PHACTR2: variants seen among roughly 807,000 people sequenced by gnomAD.
PHACTR2 encodes chromosome 6 open reading frame 56.
PHACTR2 carries 30 observed loss-of-function variants against 76.0 expected under a neutral mutation model. That is an observed-to-expected ratio of 0.39 (90% CI 0.30 to 0.54). The LOEUF is 0.54. PHACTR2 is among the 20% of genes least tolerant of loss of function. The pLI, the probability that PHACTR2 is intolerant of heterozygous loss-of-function variation, is 0.61. For synonymous variants in PHACTR2, 292 were observed against 292.5 expected (o/e 1.00, Z 0.02); for missense variants, 696 against 781.1 (o/e 0.89, Z 1.30).
In PHACTR2 at chr6:143,760,253, A is replaced by G. The variant is rs1779403145; in HGVS notation, c.455-148A>G. 1.5e-6 allele frequency: 1 copy of G among 679,690 alleles called. No homozygotes were observed. The highest frequency in any genetic ancestry group is 1.8e-5 in the African/African-American group (1 of 55,218). The allele number at this position is 679,690 out of a possible 1,614,324, so 42.1% of individuals were successfully genotyped here. A position where few individuals can be genotyped will look rare whatever the true frequency, so the allele number is the denominator to read the frequency against. On this transcript the variant is annotated intron_variant, in intron 4 of 12. Coordinates refer to ENST00000440869, the MANE Select transcript of PHACTR2 (RefSeq NM_001100164.2). This position sits in a 1 kb window ranked among gnomAD's most constrained non-coding sequence, Gnocchi z 6.4. ...GTCTTTCAGCCTTTGTTTTCACCCT[A>G]AACTGTGCTCTGTCTGGTGCAGAAC...
At chr6:143,594,046 A>G (rs1775722302) in intron 1 of PHACTR2, among the ~76,000 whole-genome samples, 1 of 152,220 alleles carries the variant, frequency 6.6e-6, no homozygotes, top group South Asian at 2.1e-4. Flanking sequence ...GAAATGTGAA[A>G]TGCTCCAAAA....
chr6:143,668,518 G>A (rs1348285091), intron 1 of PHACTR2, among the ~76,000 whole-genome samples: 3 of 152,108 alleles, frequency 2.0e-5, no homozygotes, highest in Non-Finnish European at 2.9e-5. Context: ...CTGTTTTTTG[G>A]TTGGTAGGCT....
intron 1 of PHACTR2, among the ~76,000 whole-genome samples, chr6:143,542,939 C>T (rs780697744): frequency 2.6e-5 from 4 of 152,176 alleles, no homozygotes; most frequent in Non-Finnish European, 4.4e-5. Context: ...AGTTTCCATT[C>T]GTCCATTCAT....
chr6:143,752,723 A>G (rs1174489995), intron 3 of PHACTR2, among the ~76,000 whole-genome samples: 2 of 152,142 alleles, frequency 1.3e-5, no homozygotes, highest in African/African-American at 2.4e-5. Flanking sequence ...ACAATTTGGG[A>G]AATGGTTTCT....
Position 143,598,793 on chromosome 6 carries a change from C to A in PHACTR2, c.217+61586C>A, listed in dbSNP as rs1297856924. Among the ~76,000 whole-genome samples the A allele has an allele frequency of 6.6e-6, 1 of 152,110 alleles. No homozygotes were observed. Among genetic ancestry groups the A allele is most frequent in the Non-Finnish European group, 1.5e-5 (1 of 68,026 alleles). The stretch of plus-strand genomic sequence containing the variant: ...TGGCTCCCAGGAACTTTCTATGACC[C>A]CCTTAGAGGAATCACTAGACCTCAT... On this transcript the variant is annotated intron_variant, in intron 1 of 11. Transcript: ENST00000367584. This position sits in a 1 kb window ranked among gnomAD's most constrained non-coding sequence, Gnocchi z 4.1.
chr6:143,803,720 T>A lies in PHACTR2; in HGVS notation c.1846-3337T>A, dbSNP rs1191107682. ...ATAGAAAGGCTGTGTTTTCTAGGAT[T>A]TGACATTTTCAGCAATAGAGAAATA... is the stretch of plus-strand genomic sequence containing the variant. On this transcript the variant is annotated intron_variant, in intron 11 of 12. Transcript: ENST00000440869. This position sits in a 1 kb window ranked among gnomAD's most constrained non-coding sequence, Gnocchi z 4.7. 1.2e-4 allele frequency among the ~76,000 whole-genome samples: 19 copies of A among 152,308 alleles called. 1 individual carries two copies. In the East Asian group the frequency reaches 3.7e-3, roughly 29 times the overall value.
intron 11 of PHACTR2, among the ~76,000 whole-genome samples, chr6:143,790,216 C>T (rs1216083357): frequency 6.6e-6 from 1 of 152,004 alleles, no homozygotes; most frequent in Non-Finnish European, 1.5e-5. Flanking sequence ...GGTCAATAAG[C>T]TTGGGTGCGT....
At chr6:143,813,054 G>C (rs545401792) in intron 12 of PHACTR2, among the ~76,000 whole-genome samples, 1 of 152,170 alleles carries the variant, frequency 6.6e-6, no homozygotes, top group South Asian at 2.1e-4. Flanking sequence ...GTGTTAACAT[G>C]TATCAGATTT....
At position 143,602,730 on chromosome 6, in the gene PHACTR2, G is replaced by A. The variant is rs1775825795; in HGVS notation, c.217+65523G>A. ...AGTGTGGATTCACCAAACCACCTTGGCCAAAAGTCCAAACTTGTCGGAAGA... is the reference window on the plus strand; with the variant it reads ...AGTGTGGATTCACCAAACCACCTTGACCAAAAGTCCAAACTTGTCGGAAGA... On this transcript the variant is annotated intron_variant, in intron 1 of 11. Coordinates refer to the PHACTR2 transcript ENST00000367584. The surrounding 1 kb of genome is among the most constrained non-coding windows in gnomAD (Gnocchi z 6.1). 6.6e-6 allele frequency among the ~76,000 whole-genome samples: 1 copy of A among 152,200 alleles called. No homozygotes were observed. The highest frequency in any genetic ancestry group is 1.5e-5 in the Non-Finnish European group (1 of 68,040).
chr6:143,815,240 G>A (rs1189404657), intron 12 of PHACTR2, among the ~76,000 whole-genome samples: 2 of 152,136 alleles, frequency 1.3e-5, no homozygotes, highest in Non-Finnish European at 2.9e-5. Context: ...AGCCCAGCCA[G>A]TGTGTGGTCT....
At chr6:143,808,844 T>C (rs2128484119) in intron 12 of PHACTR2, among the ~76,000 whole-genome samples, 1 of 152,340 alleles carries the variant, frequency 6.6e-6, no homozygotes, top group South Asian at 2.1e-4. Flanking sequence ...CATGTCCCTA[T>C]CAAGCCAGAC....
chr6:143,710,447 GT>G lies in PHACTR2; in HGVS notation c.47-1566del, dbSNP rs1399556047. ...GTGGCTCACGCCTGTAATCCCAGCAGTTTGGGAGGCTGAGGCGGGTGGATCA... is the reference window on the plus strand; with the variant it reads ...GTGGCTCACGCCTGTAATCCCAGCAGTTGGGAGGCTGAGGCGGGTGGATCA... On this transcript the variant is annotated intron_variant, in intron 1 of 12. Coordinates refer to ENST00000440869, the MANE Select transcript of PHACTR2 (RefSeq NM_001100164.2). The surrounding 1 kb of genome is among the most constrained non-coding windows in gnomAD (Gnocchi z 4.9). Among the ~76,000 whole-genome samples, 1 of 152,154 alleles carries G rather than the reference GT, an allele frequency of 6.6e-6. No homozygotes were observed. The highest frequency in any genetic ancestry group is 1.5e-5 in the Non-Finnish European group (1 of 68,026).
rs1015702538 is a variant in PHACTR2 at position 143,743,974 on chromosome 6, C to T, written c.215-5011C>T. On this transcript the variant is annotated intron_variant, in intron 2 of 12. Transcript: ENST00000440869. This position sits in a 1 kb window ranked among gnomAD's most constrained non-coding sequence, Gnocchi z 5.0. ...CGCAGAAAAAAGCCAGCGGCATATG[C>T]TCCAGCCTCTTTTCCTGAGTGCAGC... 6.6e-6 allele frequency among the ~76,000 whole-genome samples: 1 copy of T among 152,184 alleles called. No individual in the cohort carries two copies. The highest frequency in any genetic ancestry group is 2.1e-4 in the South Asian group (1 of 4,834).
In PHACTR2 at chr6:143,700,843, A is replaced by T. The variant is rs1327979300; in HGVS notation, c.47-11173A>T. 6.6e-6 allele frequency among the ~76,000 whole-genome samples: 1 copy of T among 152,224 alleles called. No homozygotes were observed. The highest frequency in any genetic ancestry group is 2.4e-5 in the African/African-American group (1 of 41,458). On this transcript the variant is annotated intron_variant, in intron 1 of 12. Transcript: ENST00000440869. This position sits in a 1 kb window ranked among gnomAD's most constrained non-coding sequence, Gnocchi z 4.1. The stretch of plus-strand genomic sequence containing the variant: ...CAGACTCCGGGAGTTGTTGTATATG[A>T]CTAACATCTACGGGGAACAAGATAG...
chr6:143,566,249 C>T (rs9376763), intron 1 of PHACTR2, among the ~76,000 whole-genome samples: 93,233 of 151,916 alleles, frequency 0.61, 28,950 homozygotes, highest in Middle Eastern at 0.72. Context: ...CAGGCATGAA[C>T]CACTGCATCT....
intron 1 of PHACTR2, among the ~76,000 whole-genome samples, chr6:143,582,081 C>T (rs768369707): frequency 8.5e-5 from 13 of 152,186 alleles, no homozygotes; most frequent in African/African-American, 2.4e-4. Context: ...CCATAGTCCA[C>T]ACCCTCACAT....
chr6:143,755,654 A>C lies in PHACTR2; in HGVS notation c.454+1742A>C, dbSNP rs1421546933. ...AGCCTGTTGCTTGGCTAGTAGGTAC[A>C]TGAGGAAGGAGCTGGGAGTGCTGGA... On this transcript the variant is annotated intron_variant, in intron 4 of 12. Transcript: ENST00000440869. This position sits in a 1 kb window ranked among gnomAD's most constrained non-coding sequence, Gnocchi z 5.2. Among the ~76,000 whole-genome samples the C allele has an allele frequency of 6.6e-6, 1 of 152,118 alleles. No homozygotes were observed. Among genetic ancestry groups the C allele is most frequent in the Non-Finnish European group, 1.5e-5 (1 of 68,018 alleles).
intron 1 of PHACTR2, among the ~76,000 whole-genome samples, chr6:143,601,406 A>G (rs148818985): frequency 8.5e-5 from 13 of 152,344 alleles, no homozygotes; most frequent in African/African-American, 3.1e-4. Context: ...GGCCAGGCCA[A>G]TGTTGAGCCT....
chr6:143,712,398 T>C (rs1778197084), intron 2 of PHACTR2: 1 of 220,854 alleles, frequency 4.5e-6, no homozygotes, highest in Non-Finnish European at 8.7e-6. Flanking sequence ...TATATTCTTA[T>C]TTAAAAATAT....
Sources: gnomAD v4.1 joint callset for allele counts (sites outside exome capture counted in the v4.1 genomes callset) on GRCh38, gnomAD v4.1.1 for gene constraint, Gnocchi (gnomAD v3.1) non-coding constraint, MANE v1.5 for transcripts, NCBI Gene and HGNC (gene_info 2026-07-23, HGNC 2026-07-21) for gene names.